Variants in TMEFF2 observed in about 807,000 individuals in gnomAD.
TMEFF2 encodes the protein tomoregulin-2.
Under a neutral mutation model 53.8 loss-of-function variants are expected in TMEFF2, and 28 were observed. That is an observed-to-expected ratio of 0.52 (90% CI 0.39 to 0.71). TMEFF2 has a LOEUF of 0.71. TMEFF2 is among the 30% of genes least tolerant of loss of function. The probability of loss-of-function intolerance (pLI) is 0.00; values close to 1 mark genes in which losing one functional copy is unlikely to be tolerated. For synonymous variants in TMEFF2, 162 were observed against 166.3 expected (o/e 0.97, Z 0.20); for missense variants, 353 against 455.2 (o/e 0.78, Z 2.04).
At position 192,062,501 on chromosome 2, in the gene TMEFF2, A is replaced by G. The variant is rs186840640; in HGVS notation, c.440-4726T>C. 3.9e-5 allele frequency among the ~76,000 whole-genome samples: 6 copies of G among 152,244 alleles called. No individual in the cohort carries two copies. The East Asian group carries it at 1.2e-3, about 29-fold the overall frequency. ...TCCTTGTAAAAGACTTTGTGTACAC[A>G]TATGTTTTGATTTCTCTTGAATAAA... On this transcript the variant is annotated intron_variant, in intron 4 of 9. Transcript: ENST00000272771.
intron 7 of TMEFF2, among the ~76,000 whole-genome samples, chr2:191,993,899 G>A (rs372791882): frequency 2.0e-5 from 3 of 152,116 alleles, no homozygotes; most frequent in African/African-American, 2.4e-5. Flanking sequence ...AAAGATCTAT[G>A]CTAAATAGTT....
At chr2:192,056,938 A>G (rs1029018965) in intron 5 of TMEFF2, among the ~76,000 whole-genome samples, 1 of 152,222 alleles carries the variant, frequency 6.6e-6, no homozygotes, top group African/African-American at 2.4e-5. Context: ...CTCAGCCTTC[A>G]TAATGGTGAG....
At chr2:191,952,621 A>G (rs566918856) in intron 9 of TMEFF2, among the ~76,000 whole-genome samples, 63 of 152,282 alleles carry the variant, frequency 4.1e-4, no homozygotes, top group African/African-American at 1.4e-3. Flanking sequence ...GCTTTAGTCA[A>G]TGACCTGCCC....
chr2:192,049,894 G>A (rs567504397), intron 5 of TMEFF2, among the ~76,000 whole-genome samples: 14 of 152,218 alleles, frequency 9.2e-5, no homozygotes, highest in African/African-American at 2.2e-4. Context: ...CCAGCTACCC[G>A]GGAGGCTGAG....
intron 5 of TMEFF2, among the ~76,000 whole-genome samples, chr2:192,033,249 G>T (rs560440062): frequency 6.6e-6 from 1 of 152,218 alleles, no homozygotes; most frequent in East Asian, 1.9e-4. Context: ...TAAGACATAG[G>T]CAAAGATACT....
rs1691807381 is a variant in TMEFF2, at chr2:191,949,598, A to T, written c.*713T>A. On this transcript the variant is annotated 3_prime_UTR_variant, in exon 10 of 10. Coordinates refer to ENST00000272771, the MANE Select transcript of TMEFF2 (RefSeq NM_016192.4). The stretch of plus-strand genomic sequence containing the variant: ...TTGTTCAGTAAGTTCAGATATATGC[A>T]CTTAACTGGGGGATTCTAAGCTACT... 2 of 985,264 alleles carry T rather than the reference A, an allele frequency of 2.0e-6. No individual in the cohort carries two copies. The highest frequency in any genetic ancestry group is 1.2e-4 in the Admixed American group (2 of 16,258). The allele number at this position is 985,264 out of a possible 1,614,324, so 61.0% of individuals were successfully genotyped here.
intron 4 of TMEFF2, among the ~76,000 whole-genome samples, chr2:192,140,504 T>G (rs1690111247): frequency 6.8e-6 from 1 of 147,360 alleles, no homozygotes; most frequent in Non-Finnish European, 1.5e-5. Flanking sequence ...TCTGCTCAGT[T>G]CTGGGTTCCA....
chr2:192,149,336 C>T (rs997473693), intron 4 of TMEFF2, among the ~76,000 whole-genome samples: 27 of 151,846 alleles, frequency 1.8e-4, no homozygotes, highest in African/African-American at 4.8e-5. Flanking sequence ...TGCTCTTCTG[C>T]CTCCAAAAAT....
chr2:192,003,089 A>G (rs1686407840), intron 5 of TMEFF2, among the ~76,000 whole-genome samples: 1 of 152,174 alleles, frequency 6.6e-6, no homozygotes, highest in South Asian at 2.1e-4. Flanking sequence ...TATCTTTGCA[A>G]TCCCCAACCC....
chr2:192,010,981 G>A (rs921692013), intron 5 of TMEFF2, among the ~76,000 whole-genome samples: 4 of 152,178 alleles, frequency 2.6e-5, no homozygotes, highest in African/African-American at 9.6e-5. Flanking sequence ...ACTCAGAATT[G>A]TATTTTAACC....
chr2:192,174,807 G>A (rs1690999160), intron 4 of TMEFF2, among the ~76,000 whole-genome samples: 1 of 151,580 alleles, frequency 6.6e-6, no homozygotes, highest in Admixed American at 6.6e-5. Context: ...GCGCTTGGTG[G>A]GGGGAACAAA....
chr2:191,980,915 G>T (rs893809306), intron 7 of TMEFF2, among the ~76,000 whole-genome samples: 1 of 151,892 alleles, frequency 6.6e-6, no homozygotes, highest in Non-Finnish European at 1.5e-5. Context: ...AGCAAATCTG[G>T]TAACCTTTTA....
At chr2:192,049,986 G>T (rs540311472) in intron 5 of TMEFF2, among the ~76,000 whole-genome samples, 1 of 152,264 alleles carries the variant, frequency 6.6e-6, no homozygotes, top group African/African-American at 2.4e-5. Context: ...GGGCCACAGG[G>T]TGAGACTCCA....
At chr2:191,985,892 T>G (rs1363210469) in intron 7 of TMEFF2, among the ~76,000 whole-genome samples, 1 of 152,226 alleles carries the variant, frequency 6.6e-6, no homozygotes, top group Non-Finnish European at 1.5e-5. Flanking sequence ...AAGGAGGGTC[T>G]GTTACTTGGA....
At chr2:191,968,410 CAA>C (rs1290573225) in intron 7 of TMEFF2, among the ~76,000 whole-genome samples, 1 of 152,140 alleles carries the variant, frequency 6.6e-6, no homozygotes, top group Non-Finnish European at 1.5e-5. Flanking sequence ...GATATTAAAA[CAA>C]AGAGTGGGTA....
At chr2:191,985,951 A>G (rs1170460067) in intron 7 of TMEFF2, among the ~76,000 whole-genome samples, 1 of 152,202 alleles carries the variant, frequency 6.6e-6, no homozygotes, top group Non-Finnish European at 1.5e-5. Flanking sequence ...AGAATGTGAC[A>G]CAGTGTATCT....
intron 5 of TMEFF2, among the ~76,000 whole-genome samples, chr2:192,048,361 A>AC (rs1687676470): frequency 3.6e-4 from 51 of 143,264 alleles, no homozygotes; most frequent in East Asian, 2.1e-3. Context: ...ATTCTCATAA[A>AC]ACACACACAC....
At chr2:192,098,675 T>G (rs954526815) in intron 4 of TMEFF2, among the ~76,000 whole-genome samples, 2 of 152,184 alleles carry the variant, frequency 1.3e-5, no homozygotes, top group Non-Finnish European at 2.9e-5. Context: ...TTAGCTAAAT[T>G]GGCAGTTCAA....
chr2:192,184,199 A>C (rs1691255768), intron 3 of TMEFF2, among the ~76,000 whole-genome samples, 155 bp downstream of exon 3: 1 of 152,146 alleles, frequency 6.6e-6, no homozygotes, highest in Non-Finnish European at 1.5e-5. Flanking sequence ...AAAAATGACA[A>C]AGAATAAGAA....
Sources: gnomAD v4.1 joint callset for allele counts (sites outside exome capture counted in the v4.1 genomes callset) on GRCh38, gnomAD v4.1.1 for gene constraint, MANE v1.5 for transcripts, NCBI Gene and HGNC (gene_info 2026-07-23, HGNC 2026-07-21) for gene names.